Variants in CD300LF observed in about 807,000 individuals in gnomAD.
CD300LF encodes CMRF35-like molecule 1.
A neutral mutation model predicts 32.2 loss-of-function variants in CD300LF; 27 were observed. The ratio of observed to expected loss-of-function variants is 0.84; its 90% CI spans 0.62 to 1.15. CD300LF has a LOEUF of 1.15. Ranked by LOEUF, CD300LF falls within the 50% of genes most tolerant of loss-of-function variation. The pLI, the probability that CD300LF is intolerant of heterozygous loss-of-function variation, is 0.00. For missense variants in CD300LF, 348 were observed against 356.8 expected (o/e 0.98, Z 0.20); for synonymous variants, 139 against 143.2 (o/e 0.97, Z 0.21).
chr17:74,711,906 C>CTTTTTT (rs71361629), intron 1 of CD300LF, among the ~76,000 whole-genome samples: 12 of 123,664 alleles, frequency 9.7e-5, no homozygotes, highest in African/African-American at 1.5e-4. Context: ...TTTCTTTTTT[C>CTTTTTT]TTTTTTTTTT....
At chr17:74,710,320 T>C (rs1259748631) in intron 1 of CD300LF, among the ~76,000 whole-genome samples, 4 of 152,228 alleles carry the variant, frequency 2.6e-5, no homozygotes, top group African/African-American at 9.6e-5. Context: ...ACATAAAATG[T>C]ATAATTATCA....
In CD300LF at chr17:74,704,713, G is replaced by A. The variant is rs1054865873; in HGVS notation, c.147C>T (p.Tyr49=). 1.2e-5 allele frequency: 20 copies of A among 1,614,086 alleles called. No homozygotes were observed. Among genetic ancestry groups the A allele is most frequent in the East Asian group, 2.2e-5 (1 of 44,894 alleles). The change falls in exon 2 of 7, where the codon TAC becomes TAT. Residue 49 remains tyrosine (Y), a synonymous_variant. Transcript: ENST00000326165. The part of the protein sequence containing the change: ...QCVYRSGWET[Y]LKWWCRGAIW... ...TAGCTCCTCGACACCACCACTTCAA[G>A]TAGGTCTCCCAGCCTGATCTGTAAA...
Position 74,707,239 on chromosome 17 carries a change from AC to A in CD300LF, c.44-2424del, listed in dbSNP as rs543584622. Among the ~76,000 whole-genome samples the A allele has an allele frequency of 5.3e-5, 8 of 152,342 alleles. No individual in the cohort carries two copies. The South Asian group carries it at 1.7e-3, about 32-fold the overall frequency. ...AAAATATTTGCAAACCATAAATCTGACAAAGAGCTGATATCCAAAATACATA... is the reference window on the plus strand; with the variant it reads ...AAAATATTTGCAAACCATAAATCTGAAAAGAGCTGATATCCAAAATACATA... On this transcript the variant is annotated intron_variant, in intron 1 of 6. Coordinates refer to ENST00000326165, the MANE Select transcript of CD300LF (RefSeq NM_139018.5).
intron 4 of CD300LF, among the ~76,000 whole-genome samples, chr17:74,697,855 G>A (rs561222181): frequency 6.6e-6 from 1 of 152,338 alleles, no homozygotes; most frequent in South Asian, 2.1e-4. Flanking sequence ...GGCTGTGTGT[G>A]TGTGTGCATG....
Position 74,698,445 on chromosome 17 carries a change from G to A in CD300LF, c.483C>T (p.Leu161=). 6.2e-7 allele frequency: 1 copy of A among 1,614,000 alleles called. No homozygotes were observed. The highest frequency in any genetic ancestry group is 8.5e-7 in the Non-Finnish European group (1 of 1,179,992). ...AAAGCAGCAGCAATATGGTGAAGATGAGGGGCAGGAGGACACTGAGCTTCA... is the reference window on the plus strand; with the variant it reads ...AAAGCAGCAGCAATATGGTGAAGATAAGGGGCAGGAGGACACTGAGCTTCA... ...KLLKLSVLLP[L]IFTILLLLLV... is the part of the protein sequence containing the mutation. Residue 161 remains leucine (L), a synonymous_variant, in exon 4 of 7, where the codon CTC becomes CTT. Transcript: ENST00000326165.
chr17:74,697,414 A>C (rs1352050092), intron 4 of CD300LF, among the ~76,000 whole-genome samples: 1 of 152,210 alleles, frequency 6.6e-6, no homozygotes, highest in African/African-American at 2.4e-5. Context: ...CACAGAAAGC[A>C]CTTAGACCTT....
At chr17:74,710,065 G>A (rs368101177) in intron 1 of CD300LF, among the ~76,000 whole-genome samples, 3 of 152,000 alleles carry the variant, frequency 2.0e-5, no homozygotes, top group Admixed American at 1.3e-4. Flanking sequence ...TGCAAGTTCC[G>A]CCTCCCGGGT....
At chr17:74,703,012 C>T in intron 3 of CD300LF, 23 bp downstream of exon 3, 1 of 1,594,272 alleles carries the variant, frequency 6.3e-7, no homozygotes, top group Non-Finnish European at 8.6e-7. Flanking sequence ...AAGTAGGCCA[C>T]AGTGGAACCA....
In CD300LF at chr17:74,695,097, T is replaced by C. The variant is rs768123054; in HGVS notation, c.872A>G (p.Ter291TrpextTer59). 6.2e-7 allele frequency: 1 copy of C among 1,613,228 alleles called. No individual in the cohort carries two copies. Among genetic ancestry groups the C allele is most frequent in the East Asian group, 2.2e-5 (1 of 44,886 alleles). ...CCAAGAAGGAGCCTGGAGTGCAGGCTAAGGCCTGCTGATGGTGCTGTATTC... is the reference window on the plus strand; with the variant it reads ...CCAAGAAGGAGCCTGGAGTGCAGGCCAAGGCCTGCTGATGGTGCTGTATTC... ...PTEYSTISRP[*>W] The change falls in exon 7 of 7, where the codon TAG (stop) becomes TGG (tryptophan). Residue 291 changes from the stop codon to tryptophan (W), a stop_lost. Coordinates refer to ENST00000326165, the MANE Select transcript of CD300LF (RefSeq NM_139018.5).
At chr17:74,712,294 G>A (rs928245170) in intron 1 of CD300LF, among the ~76,000 whole-genome samples, 10 of 151,890 alleles carry the variant, frequency 6.6e-5, no homozygotes, top group African/African-American at 1.7e-4. Context: ...TTTCCTCTAC[G>A]TCCCTGCCAG....
In CD300LF at chr17:74,703,096, G is replaced by C; in HGVS notation, c.385C>G (p.Pro129Ala). The C allele has an allele frequency of 6.2e-7, 1 of 1,614,034 alleles. No individual in the cohort carries two copies. The highest frequency in any genetic ancestry group is 1.1e-5 in the South Asian group (1 of 91,070). ...CTGCTAGTTTCTTCTTGGGTGACTG[G>C]TGCTGTAAACGTAGTGGAGGTAGGC... Reference protein sequence around the residue: ...VTVQVTIDPAPVTQEETSSSP... With the variant: ...VTVQVTIDPAAVTQEETSSSP... The change falls in exon 3 of 7, where the codon CCA becomes GCA. Residue 129 changes from proline to alanine, a missense_variant and splice_region_variant. By Grantham distance (27) the Pro-to-Ala change is conservative. Transcript: ENST00000326165.
intron 3 of CD300LF, among the ~76,000 whole-genome samples, chr17:74,702,545 T>C (rs1271309028): frequency 6.6e-6 from 1 of 152,098 alleles, no homozygotes; most frequent in African/African-American, 2.4e-5. Flanking sequence ...CTTGCCATAA[T>C]AGTAATCAGA....
At chr17:74,702,959 A>C in intron 3 of CD300LF, 76 bp downstream of exon 3, 5 of 1,244,202 alleles carry the variant, frequency 4.0e-6, no homozygotes, top group Non-Finnish European at 4.7e-6. Context: ...CTCAGGCTGG[A>C]AAATGGGACT....
intron 1 of CD300LF, among the ~76,000 whole-genome samples, chr17:74,707,764 A>C (rs996858473): frequency 8.5e-5 from 13 of 152,152 alleles, no homozygotes; most frequent in Admixed American, 6.6e-4. Flanking sequence ...TATCCTGCAC[A>C]TATTAAAAAG....
chr17:74,706,624 C>T (rs1052744598), intron 1 of CD300LF, among the ~76,000 whole-genome samples: 2 of 151,998 alleles, frequency 1.3e-5, no homozygotes, highest in East Asian at 1.9e-4. Flanking sequence ...GCCAAGATGG[C>T]GCCATAGCAC....
chr17:74,708,842 G>A (rs904282474), intron 1 of CD300LF, among the ~76,000 whole-genome samples: 1 of 151,616 alleles, frequency 6.6e-6, no homozygotes, highest in Non-Finnish European at 1.5e-5. Context: ...GTGAACCCGG[G>A]GGGGCGGAGC....
intron 4 of CD300LF, among the ~76,000 whole-genome samples, chr17:74,697,292 G>T (rs1309877973): frequency 1.3e-5 from 2 of 152,056 alleles, no homozygotes; most frequent in African/African-American, 4.8e-5. Flanking sequence ...GGTGGTTGCT[G>T]GTCCCTGTCT....
chr17:74,696,753 C>T (rs551362777), intron 4 of CD300LF, among the ~76,000 whole-genome samples: 1 of 152,324 alleles, frequency 6.6e-6, no homozygotes, highest in Non-Finnish European at 1.5e-5. Context: ...GTGGCTGGGC[C>T]TGTCCCTTCC....
At chr17:74,699,138 C>A (rs1170298786) in intron 3 of CD300LF, among the ~76,000 whole-genome samples, 1 of 152,108 alleles carries the variant, frequency 6.6e-6, no homozygotes, top group Non-Finnish European at 1.5e-5. Flanking sequence ...AGGCTGGTCT[C>A]GAACTCCTAA....
Sources: gnomAD v4.1 joint callset for allele counts (sites outside exome capture counted in the v4.1 genomes callset) on GRCh38, gnomAD v4.1.1 for gene constraint, MANE v1.5 for transcripts, NCBI Gene and HGNC (gene_info 2026-07-23, HGNC 2026-07-21) for gene names.